SUGCT: variants seen among roughly 807,000 people sequenced by gnomAD.
SUGCT encodes succinyl-CoA:glutarate CoA-transferase.
A neutral mutation model predicts 55.0 loss-of-function variants in SUGCT; 41 were observed. The ratio of observed to expected loss-of-function variants is 0.74; its 90% CI spans 0.58 to 0.97. The LOEUF is 0.97. Among genes scored for constraint, SUGCT ranks in the 50% least tolerant of loss-of-function variants. The pLI is 0.00. For synonymous variants in SUGCT, 187 were observed against 200.4 expected (o/e 0.93, Z 0.56); for missense variants, 568 against 547.8 (o/e 1.04, Z -0.37).
At chr7:40,996,774 C>T in the SUGCT span, among the ~76,000 whole-genome samples, 3 of 152,120 alleles carry the variant, frequency 2.0e-5, no homozygotes, top group Non-Finnish European at 4.4e-5. Flanking sequence ...TTATGTTTCC[C>T]AAGGCAACCC....
chr7:40,149,197 A>C (rs1465615487), intron 1 of SUGCT, among the ~76,000 whole-genome samples: 1 of 152,138 alleles, frequency 6.6e-6, no homozygotes, highest in East Asian at 1.9e-4. Flanking sequence ...AAAGATTTAG[A>C]GATACAACCT....
chr7:40,925,405 A>G, the SUGCT span, among the ~76,000 whole-genome samples: 1 of 152,332 alleles, frequency 6.6e-6, no homozygotes, highest in Non-Finnish European at 1.5e-5. Flanking sequence ...ATAGAATACA[A>G]TCACAATGAA....
the SUGCT span, among the ~76,000 whole-genome samples, chr7:40,869,147 ACAC>A: frequency 6.6e-6 from 1 of 152,170 alleles, no homozygotes; most frequent in African/African-American, 2.4e-5. Context: ...ATCCAATCAA[ACAC>A]TAAGTAAGTG....
chr7:40,555,251 C>G (rs1795499100), intron 12 of SUGCT, among the ~76,000 whole-genome samples: 1 of 151,338 alleles, frequency 6.6e-6, no homozygotes, highest in Non-Finnish European at 1.5e-5. Context: ...ATGGTCAGCT[C>G]TCGATGGTCC....
At chr7:40,146,547 G>C (rs978417355) in intron 1 of SUGCT, among the ~76,000 whole-genome samples, 2 of 152,212 alleles carry the variant, frequency 1.3e-5, no homozygotes, top group African/African-American at 4.8e-5. Context: ...GGGAAACAAA[G>C]GGTTGTGCTG....
chr7:40,729,159 C>T (rs900877730), intron 12 of SUGCT, among the ~76,000 whole-genome samples: 2 of 152,122 alleles, frequency 1.3e-5, no homozygotes, highest in African/African-American at 4.8e-5. Flanking sequence ...ATTATTTACT[C>T]CAAGTCAAAC....
intron 8 of SUGCT, among the ~76,000 whole-genome samples, chr7:40,284,513 C>T (rs1793182787): frequency 6.7e-6 from 1 of 149,624 alleles, no homozygotes; most frequent in Non-Finnish European, 1.5e-5. Context: ...GAGGCTGAGG[C>T]AGGAGAATTG....
intron 8 of SUGCT, among the ~76,000 whole-genome samples, chr7:40,314,623 G>C (rs1462685231): frequency 1.4e-5 from 2 of 146,876 alleles, no homozygotes; most frequent in Non-Finnish European, 3.0e-5. Context: ...GGAGTGCAGT[G>C]GCACGATCTC....
the SUGCT span, among the ~76,000 whole-genome samples, chr7:40,937,862 C>CT: frequency 1.3e-5 from 2 of 152,148 alleles, no homozygotes; most frequent in African/African-American, 4.8e-5. Context: ...CTGTGGAAGA[C>CT]AATTTTTCCA....
At chr7:40,495,436 T>G (rs544372209) in intron 11 of SUGCT, among the ~76,000 whole-genome samples, 2 of 152,288 alleles carry the variant, frequency 1.3e-5, no homozygotes, top group East Asian at 3.9e-4. Context: ...GTTACCTAGA[T>G]TATTAATTAA....
At chr7:40,465,932 C>T (rs558826791) in intron 11 of SUGCT, among the ~76,000 whole-genome samples, 8 of 152,168 alleles carry the variant, frequency 5.3e-5, no homozygotes, top group South Asian at 2.1e-4. Context: ...CCCAGGCTAG[C>T]GTGCGGTAGT....
At chr7:40,478,185 T>C (rs1790812878) in intron 11 of SUGCT, among the ~76,000 whole-genome samples, 1 of 152,068 alleles carries the variant, frequency 6.6e-6, no homozygotes, top group Admixed American at 6.6e-5. Flanking sequence ...AAATTTTTTT[T>C]TCCAGAGACA....
intron 12 of SUGCT, among the ~76,000 whole-genome samples, chr7:40,598,535 A>G (rs186369784): frequency 2.6e-5 from 4 of 152,264 alleles, no homozygotes; most frequent in Non-Finnish European, 5.9e-5. Flanking sequence ...TCTTTTTCCT[A>G]GCAGAGAACT....
intron 12 of SUGCT, among the ~76,000 whole-genome samples, chr7:40,676,492 GT>G (rs1562940278): frequency 2.8e-5 from 4 of 142,700 alleles, no homozygotes; most frequent in Non-Finnish European, 6.0e-5. Context: ...ATCCCTTGCG[GT>G]TTTGTTTTTT....
intron 12 of SUGCT, among the ~76,000 whole-genome samples, chr7:40,692,817 C>T (rs1007630464): frequency 4.8e-5 from 7 of 147,314 alleles, no homozygotes; most frequent in Admixed American, 1.4e-4. Flanking sequence ...TGGTCCCATT[C>T]TACCAATGAG....
At chr7:40,854,240 A>G (rs1794003336) in intron 13 of SUGCT, among the ~76,000 whole-genome samples, 1 of 152,174 alleles carries the variant, frequency 6.6e-6, no homozygotes, top group Non-Finnish European at 1.5e-5. Context: ...CAGAAGTTAC[A>G]CAATTAAGGC....
chr7:40,292,264 G>C (rs35153881), intron 8 of SUGCT, among the ~76,000 whole-genome samples: 1 of 152,026 alleles, frequency 6.6e-6, no homozygotes, highest in Non-Finnish European at 1.5e-5. Context: ...GATTTTCATA[G>C]GGACAGGGGA....
chr7:40,311,648 A>G (rs999698067), intron 8 of SUGCT, among the ~76,000 whole-genome samples: 8 of 151,958 alleles, frequency 5.3e-5, no homozygotes, highest in Non-Finnish European at 1.0e-4. Flanking sequence ...TTTGTTTTCC[A>G]GTTTTATCTT....
At chr7:40,947,084 G>C in the SUGCT span, among the ~76,000 whole-genome samples, 1 of 151,924 alleles carries the variant, frequency 6.6e-6, no homozygotes, top group South Asian at 2.1e-4. Flanking sequence ...TGAGACTTAC[G>C]TTATACATAT....
Sources: gnomAD v4.1 joint callset for allele counts (sites outside exome capture counted in the v4.1 genomes callset) on GRCh38, gnomAD v4.1.1 for gene constraint, MANE v1.5 for transcripts, NCBI Gene and HGNC (gene_info 2026-07-23, HGNC 2026-07-21) for gene names.